Variants in PCDHGA4 observed in about 807,000 individuals in gnomAD.
The protein encoded by PCDHGA4 is protocadherin gamma subfamily A, 4.
A neutral mutation model predicts 54.6 loss-of-function variants in PCDHGA4; 38 were observed. The ratio of observed to expected loss-of-function variants is 0.70; its 90% CI spans 0.54 to 0.91. PCDHGA4 has a LOEUF of 0.91. Ranked by LOEUF, PCDHGA4 falls within the 40% of genes least tolerant of loss-of-function variation. The pLI, the probability that PCDHGA4 is intolerant of heterozygous loss-of-function variation, is 0.00. For synonymous variants in PCDHGA4, 511 were observed against 512.9 expected (o/e 1.00, Z 0.05); for missense variants, 1,298 against 1,220.9 (o/e 1.06, Z -0.94).
chr5:141,432,686 G>A lies in PCDHGA4; in HGVS notation c.2515-62121G>A. On this transcript the variant is annotated intron_variant, in intron 1 of 3. Transcript: ENST00000571252. The surrounding 1 kb of genome is among the most constrained non-coding windows in gnomAD (Gnocchi z 6.0). The stretch of plus-strand genomic sequence containing the variant: ...CAGAGACGCGCTCAAGCAGAGCCTC[G>A]TAGTGGCCGTCCAGGACCACGGCCA... 2 of 1,613,922 alleles carry A rather than the reference G, an allele frequency of 1.2e-6. No homozygotes were observed. The highest frequency in any genetic ancestry group is 1.7e-5 in the Admixed American group (1 of 60,020).
chr5:141,380,206 G>C (rs750518608), intron 1 of PCDHGA4, among the ~76,000 whole-genome samples: 1 of 152,114 alleles, frequency 6.6e-6, no homozygotes, highest in South Asian at 2.1e-4. Flanking sequence ...GGCCTGAAAG[G>C]CATTCATTTC....
chr5:141,388,663 C>T (rs770660956), intron 1 of PCDHGA4: 1 of 1,613,810 alleles, frequency 6.2e-7, no homozygotes, highest in Non-Finnish European at 8.5e-7. Flanking sequence ...CCGGGGACCA[C>T]GGTGCTACAG....
chr5:141,405,407 C>CT lies in PCDHGA4; in HGVS notation c.2514+47793dup, dbSNP rs762612492. 13 of 1,582,050 alleles carry CT rather than the reference C, an allele frequency of 8.2e-6. No individual in the cohort carries two copies. In the East Asian group the frequency reaches 1.6e-4, roughly 19 times the overall value. On this transcript the variant is annotated intron_variant, in intron 1 of 3. Transcript: ENST00000571252. Reference sequence around the variant, plus strand: ...TTCATTTTTTTTCTTTCTTTCTTTTCTTTTTTTGTTTTTTGTTTTGTTTTG... The same window carrying CT: ...TTCATTTTTTTTCTTTCTTTCTTTTCTTTTTTTTGTTTTTTGTTTTGTTTTG...
At chr5:141,430,653 A>G (rs2097300223) in intron 1 of PCDHGA4, 4 of 1,073,410 alleles carry the variant, frequency 3.7e-6, no homozygotes, top group Middle Eastern at 2.4e-4. Context: ...TGTGGAAACA[A>G]CGGAGGAGCT....
At chr5:141,360,781 G>A (rs1364422649) in intron 1 of PCDHGA4, 1 of 1,613,920 alleles carries the variant, frequency 6.2e-7, no homozygotes, top group East Asian at 2.2e-5. Context: ...CACAGCTGTG[G>A]ATGGCGGAGA....
chr5:141,362,740 A>G (rs1762658302), intron 1 of PCDHGA4: 1 of 732,538 alleles, frequency 1.4e-6, no homozygotes, highest in Non-Finnish European at 2.2e-6. Flanking sequence ...TTATTTACCC[A>G]TGATTGCAAA....
At chr5:141,429,045 G>C (rs919761577) in intron 1 of PCDHGA4, 15 of 151,954 alleles carry the variant, frequency 9.9e-5, no homozygotes, top group African/African-American at 2.9e-4. Context: ...TAGTACAGAC[G>C]GGGTTTCACC....
At position 141,487,736 on chromosome 5, in the gene PCDHGA4, G is replaced by C; in HGVS notation, c.2515-7071G>C. On this transcript the variant is annotated intron_variant, in intron 1 of 3. Transcript: ENST00000571252. The surrounding 1 kb of genome is among the most constrained non-coding windows in gnomAD (Gnocchi z 5.0). Reference sequence around the variant, plus strand: ...TGCCCATAGTGATGTCACCATTTTTGTAAGAGGTAACTATGTGGTAGACGC... The same window carrying C: ...TGCCCATAGTGATGTCACCATTTTTCTAAGAGGTAACTATGTGGTAGACGC... 1 of 1,563,758 alleles carries C rather than the reference G, an allele frequency of 6.4e-7. No homozygotes were observed.
intron 2 of PCDHGA4, among the ~76,000 whole-genome samples, chr5:141,497,213 G>A (rs1313220474): frequency 6.6e-6 from 1 of 152,126 alleles, no homozygotes; most frequent in Non-Finnish European, 1.5e-5. Flanking sequence ...GTGTAATGGG[G>A]GGGGGAAGAT....
chr5:141,360,990 C>A lies in PCDHGA4; in HGVS notation c.2514+3369C>A. On this transcript the variant is annotated intron_variant, in intron 1 of 3. Transcript: ENST00000571252. ...TCACCTACTCCTTTCATAATGTGGA[C>A]GAACAAGTGAAACACTTTTTCAACT... 1.2e-6 allele frequency: 2 copies of A among 1,613,454 alleles called. No individual in the cohort carries two copies. The highest frequency in any genetic ancestry group is 1.3e-5 in the African/African-American group (1 of 75,006).
At chr5:141,469,896 C>T (rs934040636) in intron 1 of PCDHGA4, among the ~76,000 whole-genome samples, 4 of 152,074 alleles carry the variant, frequency 2.6e-5, no homozygotes, top group Admixed American at 6.5e-5. Context: ...TTTGGGAAGC[C>T]GAGGCAGGCA....
chr5:141,490,088 ACCACAC>A lies in PCDHGA4; in HGVS notation c.2515-4718_2515-4713del. On this transcript the variant is annotated intron_variant, in intron 1 of 3. Transcript: ENST00000571252. The surrounding 1 kb of genome is among the most constrained non-coding windows in gnomAD (Gnocchi z 5.4). The stretch of plus-strand genomic sequence containing the variant: ...GGCCAACTAGACTATTCTTTTGGAG[ACCACAC>A]ATCTGAGGCAGTGCGGAACCTCTTT... The A allele has an allele frequency of 6.2e-7, 1 of 1,614,190 alleles. No homozygotes were observed. Among genetic ancestry groups the A allele is most frequent in the Non-Finnish European group, 8.5e-7 (1 of 1,180,004 alleles).
At chr5:141,375,495 T>C (rs1771526173) in intron 1 of PCDHGA4, 13 of 1,613,800 alleles carry the variant, frequency 8.1e-6, no homozygotes, top group Non-Finnish European at 1.1e-5. Flanking sequence ...GGTGCCTCCA[T>C]CTTCTCTGTG....
intron 1 of PCDHGA4, chr5:141,384,749 T>C (rs781370362): frequency 5.0e-6 from 8 of 1,613,822 alleles, no homozygotes; most frequent in Non-Finnish European, 4.2e-6. Flanking sequence ...CCAGGACTCT[T>C]TGCGGTTGGG....
intron 2 of PCDHGA4, among the ~76,000 whole-genome samples, chr5:141,496,186 G>A (rs879940448): frequency 2.0e-5 from 3 of 152,018 alleles, no homozygotes; most frequent in Non-Finnish European, 4.4e-5. Flanking sequence ...AGCAGCCCCA[G>A]CTGCTCATTT....
chr5:141,378,136 C>T (rs1774655700), intron 1 of PCDHGA4: 1 of 152,158 alleles, frequency 6.6e-6, no homozygotes, highest in Admixed American at 6.5e-5. Context: ...TTGACATCAC[C>T]ATTATTATAA....
At chr5:141,494,363 T>C (rs1264801258) in intron 1 of PCDHGA4, among the ~76,000 whole-genome samples, 1 of 152,206 alleles carries the variant, frequency 6.6e-6, no homozygotes, top group Non-Finnish European at 1.5e-5. Context: ...CTGCAGAGGA[T>C]GCTTTGTTCC....
intron 1 of PCDHGA4, among the ~76,000 whole-genome samples, chr5:141,456,859 A>C (rs2098893194): frequency 6.6e-6 from 1 of 152,152 alleles, no homozygotes; most frequent in Admixed American, 6.6e-5. Context: ...GCTAATTGGG[A>C]GGCTGAGGCA....
In PCDHGA4 at chr5:141,476,886, C is replaced by T; in HGVS notation, c.2515-17921C>T. ...TACCGGGCGCGCGTCCTGGAGGATG[C>T]ACCCTCCGGCACGCGCGTGGTACAA... On this transcript the variant is annotated intron_variant, in intron 1 of 3. Transcript: ENST00000571252. This position sits in a 1 kb window ranked among gnomAD's most constrained non-coding sequence, Gnocchi z 7.6. The T allele has an allele frequency of 9.9e-6, 16 of 1,613,924 alleles. No individual in the cohort carries two copies. Among genetic ancestry groups the T allele is most frequent in the Non-Finnish European group, 1.4e-5 (16 of 1,180,032 alleles).
Sources: gnomAD v4.1 joint callset for allele counts (sites outside exome capture counted in the v4.1 genomes callset) on GRCh38, gnomAD v4.1.1 for gene constraint, Gnocchi (gnomAD v3.1) non-coding constraint, MANE v1.5 for transcripts, NCBI Gene and HGNC (gene_info 2026-07-23, HGNC 2026-07-21) for gene names.